GLCCI1: variants seen among roughly 807,000 people sequenced by gnomAD.
GLCCI1 encodes glucocorticoid-induced transcript 1 protein.
A neutral mutation model predicts 52.2 loss-of-function variants in GLCCI1; 24 were observed. The observed-to-expected ratio is 0.46, with a 90% CI of 0.33 to 0.65. GLCCI1 has a LOEUF of 0.65. GLCCI1 is among the 30% of genes least tolerant of loss of function. GLCCI1 has a pLI of 0.02. For missense variants in GLCCI1, 704 were observed against 701.5 expected, an observed-to-expected ratio of 1.00 and a Z score of -0.04; for synonymous variants, 310 against 276.5, an observed-to-expected ratio of 1.12 and a Z score of -1.20.
At chr7:8,052,413 A>C (rs1201209591) in intron 3 of GLCCI1, among the ~76,000 whole-genome samples, 1 of 152,206 alleles carries the variant, frequency 6.6e-6, no homozygotes, top group African/African-American at 2.4e-5. Context: ...TTCCAAAATT[A>C]ATTTCCTAGT....
chr7:7,972,796 G>A (rs1780379215), intron 1 of GLCCI1, among the ~76,000 whole-genome samples: 1 of 151,990 alleles, frequency 6.6e-6, no homozygotes, highest in African/African-American at 2.4e-5. Context: ...AGGAAAAAAT[G>A]ATAATTTCCT....
At chr7:7,971,550 G>T (rs988521527) in intron 1 of GLCCI1, among the ~76,000 whole-genome samples, 2 of 152,184 alleles carry the variant, frequency 1.3e-5, no homozygotes, top group East Asian at 3.8e-4. Flanking sequence ...GTGTGAGTAA[G>T]AGAAGTTTCG....
At chr7:8,003,686 G>A (rs536251527) in intron 1 of GLCCI1, among the ~76,000 whole-genome samples, 1 of 152,212 alleles carries the variant, frequency 6.6e-6, no homozygotes, top group African/African-American at 2.4e-5. Context: ...AGGCTTCATA[G>A]GGTCTGTGGG....
intron 3 of GLCCI1, among the ~76,000 whole-genome samples, chr7:8,032,561 T>G (rs573646413): frequency 1.0e-3 from 155 of 152,086 alleles, no homozygotes; most frequent in Non-Finnish European, 2.0e-3. Context: ...AGAGGTGACA[T>G]TACTACCAAC....
intron 3 of GLCCI1, among the ~76,000 whole-genome samples, chr7:8,030,504 C>T (rs1472843079): frequency 6.6e-6 from 1 of 152,068 alleles, no homozygotes; most frequent in African/African-American, 2.4e-5. Context: ...TAATACCACA[C>T]AAGCACAGGC....
chr7:8,036,492 GA>G (rs1313963492), intron 3 of GLCCI1, among the ~76,000 whole-genome samples: 1 of 152,084 alleles, frequency 6.6e-6, no homozygotes, highest in Non-Finnish European at 1.5e-5. Context: ...CTGGAAGTAT[GA>G]AAAAACAGAG....
chr7:7,994,565 T>G (rs1780903156), intron 1 of GLCCI1, among the ~76,000 whole-genome samples: 1 of 152,180 alleles, frequency 6.6e-6, no homozygotes, highest in South Asian at 2.1e-4. Flanking sequence ...AACCTGCTCT[T>G]GTAATAGCAT....
At chr7:7,971,841 A>G (rs965010417) in intron 1 of GLCCI1, among the ~76,000 whole-genome samples, 1 of 152,222 alleles carries the variant, frequency 6.6e-6, no homozygotes, top group Non-Finnish European at 1.5e-5. Flanking sequence ...CAGCAGACAG[A>G]TTTGCAGTGT....
At chr7:8,003,212 A>T (rs1230891960) in intron 1 of GLCCI1, among the ~76,000 whole-genome samples, 4 of 149,694 alleles carry the variant, frequency 2.7e-5, no homozygotes, top group Non-Finnish European at 6.0e-5. Flanking sequence ...ATATCTTAGA[A>T]GGAAGGCGAG....
At chr7:7,987,830 C>A (rs1381879870) in intron 1 of GLCCI1, among the ~76,000 whole-genome samples, 1 of 152,070 alleles carries the variant, frequency 6.6e-6, no homozygotes, top group East Asian at 1.9e-4. Context: ...CTCAAGTTAT[C>A]CTTCCGCTTT....
chr7:7,972,156 G>C (rs1461477220), intron 1 of GLCCI1, among the ~76,000 whole-genome samples: 1 of 152,148 alleles, frequency 6.6e-6, no homozygotes, highest in Admixed American at 6.5e-5. Flanking sequence ...TTTGAATGCT[G>C]TAAGGTTCTG....
At chr7:7,982,022 G>T (rs925648318) in intron 1 of GLCCI1, 16 of 437,984 alleles carry the variant, frequency 3.7e-5, no homozygotes, top group African/African-American at 2.1e-4. Context: ...CTACGAAGAA[G>T]AAGAAAGCTG....
At chr7:7,972,326 T>C (rs964690906) in intron 1 of GLCCI1, among the ~76,000 whole-genome samples, 7 of 150,006 alleles carry the variant, frequency 4.7e-5, no homozygotes, top group Admixed American at 4.7e-4. Context: ...TCAGTGTATG[T>C]GTGTGTGTGT....
intron 1 of GLCCI1, among the ~76,000 whole-genome samples, chr7:7,976,403 T>C (rs560991750): frequency 2.9e-5 from 4 of 139,204 alleles, no homozygotes; most frequent in Admixed American, 1.6e-4. Context: ...TGCTTGAACC[T>C]GGGAGGTGGA....
chr7:8,009,495 TTC>T (rs1389543938), intron 2 of GLCCI1, among the ~76,000 whole-genome samples: 1 of 152,236 alleles, frequency 6.6e-6, no homozygotes, highest in Non-Finnish European at 1.5e-5. Context: ...AATATTGGCA[TTC>T]TCTCTCCTGG....
intron 3 of GLCCI1, among the ~76,000 whole-genome samples, chr7:8,038,359 C>T (rs992262115): frequency 5.3e-5 from 8 of 152,094 alleles, no homozygotes; most frequent in Admixed American, 5.2e-4. Context: ...ACATTACCTG[C>T]CTTCAAATTA....
intron 3 of GLCCI1, among the ~76,000 whole-genome samples, chr7:8,040,540 AC>A (rs1781975155): frequency 2.0e-5 from 3 of 151,826 alleles, no homozygotes; most frequent in African/African-American, 7.3e-5. Flanking sequence ...ACACACACAC[AC>A]ACACACACAC....
intron 3 of GLCCI1, among the ~76,000 whole-genome samples, chr7:8,052,333 C>T (rs921428283): frequency 6.6e-6 from 1 of 152,170 alleles, no homozygotes; most frequent in African/African-American, 2.4e-5. Context: ...CTATTGAATA[C>T]AAATTATTAC....
At chr7:8,039,379 C>T (rs1327235963) in intron 3 of GLCCI1, among the ~76,000 whole-genome samples, 3 of 151,996 alleles carry the variant, frequency 2.0e-5, no homozygotes, top group Admixed American at 1.3e-4. Flanking sequence ...GTGTCAATGG[C>T]TGATCAGATA....
Sources: allele counts gnomAD v4.1 joint callset (sites outside exome capture counted in the v4.1 genomes callset), GRCh38; gene constraint gnomAD v4.1.1; transcripts MANE v1.5; gene names NCBI Gene and HGNC (gene_info 2026-07-23, HGNC 2026-07-21).